The following ATXN10 variants were observed in gnomAD, a reference collection of about 807,000 sequenced individuals.
ATXN10 encodes the protein ataxin-10.
In ATXN10, 28 loss-of-function variants were observed where a neutral mutation model predicts 52.9. That is an observed-to-expected ratio of 0.53 (90% CI 0.39 to 0.73). The LOEUF (loss-of-function observed/expected upper bound fraction) is 0.73. Ranked by LOEUF, ATXN10 falls within the 30% of genes least tolerant of loss-of-function variation. The pLI is 0.00. For synonymous variants in ATXN10, 226 were observed against 221.5 expected (o/e 1.02, Z -0.18); for missense variants, 565 against 577.0 (o/e 0.98, Z 0.21).
At chr22:45,686,615 C>T (rs940675170) in intron 1 of ATXN10, among the ~76,000 whole-genome samples, 11 of 151,946 alleles carry the variant, frequency 7.2e-5, no homozygotes, top group African/African-American at 1.2e-4. Context: ...GTCAGGAGAC[C>T]GAGACCAGCC....
chr22:45,831,220 T>G (rs967350059), intron 10 of ATXN10, among the ~76,000 whole-genome samples: 1 of 152,156 alleles, frequency 6.6e-6, no homozygotes, highest in African/African-American at 2.4e-5. Context: ...AATTACTGTT[T>G]AATGGGGACT....
chr22:45,727,167 C>T lies in ATXN10; in HGVS notation c.729-2258C>T, dbSNP rs530331509. Among the ~76,000 whole-genome samples the T allele has an allele frequency of 3.2e-4, 49 of 152,118 alleles. No homozygotes were observed. Among genetic ancestry groups the T allele is most frequent in the African/African-American group, 1.1e-3 (45 of 41,490 alleles). On this transcript the variant is annotated intron_variant, in intron 6 of 11. Coordinates refer to ENST00000252934, the MANE Select transcript of ATXN10 (RefSeq NM_013236.4). This position sits in a 1 kb window ranked among gnomAD's most constrained non-coding sequence, Gnocchi z 4.6. ...TTATTTTGAATAACTTTTAAATGTCCGTCTTGATTTCATTGTTAACCCCCA... is the reference window on the plus strand; with the variant it reads ...TTATTTTGAATAACTTTTAAATGTCTGTCTTGATTTCATTGTTAACCCCCA...
At chr22:45,747,770 T>C (rs1297808623) in intron 9 of ATXN10, among the ~76,000 whole-genome samples, 2 of 152,134 alleles carry the variant, frequency 1.3e-5, no homozygotes, top group African/African-American at 2.4e-5. Flanking sequence ...TTACACCTCC[T>C]TGTGGGGTTG....
Position 45,677,905 on chromosome 22 carries a change from G to C in ATXN10, c.116+5726G>C, listed in dbSNP as rs1922766918. The C allele has an allele frequency of 6.6e-6, 1 of 152,026 alleles. No homozygotes were observed. The highest frequency in any genetic ancestry group is 6.6e-5 in the Admixed American group (1 of 15,238). The allele number at this position is 152,026 out of a possible 1,614,324, so 9.4% of individuals were successfully genotyped here. On this transcript the variant is annotated intron_variant, in intron 1 of 11. Coordinates refer to ENST00000252934, the MANE Select transcript of ATXN10 (RefSeq NM_013236.4). This position sits in a 1 kb window ranked among gnomAD's most constrained non-coding sequence, Gnocchi z 4.1. Reference sequence around the variant, plus strand: ...TGCTACTATGGAAAATAATTTGGTGGGTCCTCAAAAAGCTAAACATGGAAT... The same window carrying C: ...TGCTACTATGGAAAATAATTTGGTGCGTCCTCAAAAAGCTAAACATGGAAT...
chr22:45,805,852 GTGA>G lies in ATXN10; in HGVS notation c.1174-1101_1174-1099del, dbSNP rs1029595708. Among the ~76,000 whole-genome samples the G allele has an allele frequency of 1.5e-4, 23 of 152,138 alleles. No individual in the cohort carries two copies. Among genetic ancestry groups the G allele is most frequent in the Admixed American group, 5.2e-4 (8 of 15,268 alleles). On this transcript the variant is annotated intron_variant, in intron 9 of 11. Coordinates refer to ENST00000252934, the MANE Select transcript of ATXN10 (RefSeq NM_013236.4). The surrounding 1 kb of genome is among the most constrained non-coding windows in gnomAD (Gnocchi z 4.4). ...TTTAAAAGTGTGAATTTTATAGTTT[GTGA>G]TGATGTCTCAGCAAAAAATGAACTG...
chr22:45,845,273 C>T lies in ATXN10; in HGVS notation c.*1602C>T, dbSNP rs1929473108. The T allele has an allele frequency of 1.3e-5, 2 of 152,114 alleles. No individual in the cohort carries two copies. Among genetic ancestry groups the T allele is most frequent in the Admixed American group, 1.3e-4 (2 of 15,276 alleles). The allele number at this position is 152,114 out of a possible 1,614,324, so 9.4% of individuals were successfully genotyped here. On this transcript the variant is annotated 3_prime_UTR_variant, in exon 12 of 12. Transcript: ENST00000252934. This position sits in a 1 kb window ranked among gnomAD's most constrained non-coding sequence, Gnocchi z 4.7. The stretch of plus-strand genomic sequence containing the variant: ...TCGGTATGAGCTATATAATAACAAA[C>T]ACAAATAAATAAAAGGGAGCCTTGT...
chr22:45,800,498 A>G (rs992291565), intron 9 of ATXN10, among the ~76,000 whole-genome samples: 2 of 132,616 alleles, frequency 1.5e-5, no homozygotes, highest in Non-Finnish European at 3.2e-5. Context: ...GTAGGGGAGA[A>G]TGTAAAATGG....
At chr22:45,831,384 A>T (rs1027147223) in intron 10 of ATXN10, among the ~76,000 whole-genome samples, 16 of 150,306 alleles carry the variant, frequency 1.1e-4, no homozygotes, top group Admixed American at 2.7e-4. Flanking sequence ...AAAAAAAAAA[A>T]TTTTGGAGAA....
At chr22:45,730,320 G>A (rs1925038606) in intron 7 of ATXN10, among the ~76,000 whole-genome samples, 1 of 149,918 alleles carries the variant, frequency 6.7e-6, no homozygotes, top group Admixed American at 6.6e-5. Flanking sequence ...CTCCAGCTCG[G>A]GTGATGCAGT....
In ATXN10 at chr22:45,823,099, C is replaced by T. The variant is rs1258449422; in HGVS notation, c.1237+16077C>T. On this transcript the variant is annotated intron_variant, in intron 10 of 11. Coordinates refer to ENST00000252934, the MANE Select transcript of ATXN10 (RefSeq NM_013236.4). This position sits in a 1 kb window ranked among gnomAD's most constrained non-coding sequence, Gnocchi z 4.9. ...GTAAACTGCAAAATTTTTAAGTATA[C>T]ATCTTGACATAAGTACAGATGTATG... The T allele has an allele frequency of 2.2e-6, 1 of 464,030 alleles. No individual in the cohort carries two copies. The highest frequency in any genetic ancestry group is 4.4e-6 in the Non-Finnish European group (1 of 224,720). 28.7% of individuals were successfully genotyped at this position (464,030 alleles called of 1,614,324 possible).
At chr22:45,721,851 G>A (rs1924664954) in intron 6 of ATXN10, among the ~76,000 whole-genome samples, 1 of 152,108 alleles carries the variant, frequency 6.6e-6, no homozygotes. Context: ...GGAGGTGGAG[G>A]TTGCAGTGAG....
At chr22:45,672,312 T>A (rs1238884451) in intron 1 of ATXN10, 133 bp downstream of exon 1, 8 of 1,023,042 alleles carry the variant, frequency 7.8e-6, no homozygotes, top group African/African-American at 1.7e-5. Context: ...GCGGGCTGCC[T>A]GAGCGCCACC....
intron 9 of ATXN10, among the ~76,000 whole-genome samples, chr22:45,755,298 A>C (rs772657576): frequency 2.0e-5 from 3 of 152,112 alleles, no homozygotes; most frequent in Non-Finnish European, 4.4e-5. Flanking sequence ...TTTAGTTCAG[A>C]TCTATGTCAA....
rs946688114 is a variant in ATXN10 at position 45,671,852 on chromosome 22, C to T, written c.-212C>T. 2 of 436,670 alleles carry T rather than the reference C, an allele frequency of 4.6e-6. No individual in the cohort carries two copies. Among genetic ancestry groups the T allele is most frequent in the Non-Finnish European group, 7.9e-6 (2 of 252,222 alleles). The allele number at this position is 436,670 out of a possible 1,614,324, so 27.0% of individuals were successfully genotyped here. A position where few individuals can be genotyped will look rare whatever the true frequency, so the allele number is the denominator to read the frequency against. On this transcript the variant is annotated 5_prime_UTR_variant, in exon 1 of 12. Coordinates refer to ENST00000252934, the MANE Select transcript of ATXN10 (RefSeq NM_013236.4). Reference sequence around the variant, plus strand: ...CCGCGGCGCCGTCTCCTCCTCCCGCCTGAGGCGAGTCTGGGCTCAGCCTAG... The same window carrying T: ...CCGCGGCGCCGTCTCCTCCTCCCGCTTGAGGCGAGTCTGGGCTCAGCCTAG...
In ATXN10 at chr22:45,816,275, A is replaced by G. The variant is rs2056300128; in HGVS notation, c.1237+9253A>G. 6.6e-6 allele frequency among the ~76,000 whole-genome samples: 1 copy of G among 152,120 alleles called. No individual in the cohort carries two copies. Among genetic ancestry groups the G allele is most frequent in the Non-Finnish European group, 1.5e-5 (1 of 68,022 alleles). ...TCTAAAAAATAAAAATAAATAAATA[A>G]AAATTCACTGCCCTATTTTGATCTT... On this transcript the variant is annotated intron_variant, in intron 10 of 11. Coordinates refer to ENST00000252934, the MANE Select transcript of ATXN10 (RefSeq NM_013236.4). The surrounding 1 kb of genome is among the most constrained non-coding windows in gnomAD (Gnocchi z 5.8).
rs916754857 is a variant in ATXN10, at chr22:45,754,063, T to C, written c.1173+13525T>C. On this transcript the variant is annotated intron_variant, in intron 9 of 11. Coordinates refer to ENST00000252934, the MANE Select transcript of ATXN10 (RefSeq NM_013236.4). The surrounding 1 kb of genome is among the most constrained non-coding windows in gnomAD (Gnocchi z 5.4). ...GGGTTTTATTTCTGGCCTCTGAGAA[T>C]GATGCTCACACTGCCCAGTGGCAGG... 1.3e-5 allele frequency among the ~76,000 whole-genome samples: 2 copies of C among 152,222 alleles called. No individual in the cohort carries two copies. The highest frequency in any genetic ancestry group is 4.8e-5 in the African/African-American group (2 of 41,454).
rs1040629862 is a variant in ATXN10, at chr22:45,702,787, A to G, written c.587A>G (p.Asn196Ser). The change falls in exon 5 of 12, where the codon AAC (asparagine) becomes AGC (serine). Residue 196 changes from asparagine (N) to serine (S), a missense_variant. Physicochemically the swap from Asn to Ser is conservative, Grantham distance 46 (BLOSUM62 1). Transcript: ENST00000252934. Reference sequence around the variant, plus strand: ...GAAAGAATGAAAGAACTGGAGGAGAACCTCAATATTGCAATTGATGTCATA... The same window carrying G: ...GAAAGAATGAAAGAACTGGAGGAGAGCCTCAATATTGCAATTGATGTCATA... ...NHERMKELEE[N>S]LNIAIDVIDA... The G allele has an allele frequency of 1.2e-6, 2 of 1,614,066 alleles. No homozygotes were observed. Among genetic ancestry groups the G allele is most frequent in the Non-Finnish European group, 1.7e-6 (2 of 1,179,992 alleles).
chr22:45,768,848 T>G (rs1926677382), intron 9 of ATXN10, among the ~76,000 whole-genome samples: 1 of 152,246 alleles, frequency 6.6e-6, no homozygotes, highest in South Asian at 2.1e-4. Flanking sequence ...CATGGATATT[T>G]GAACGTGGAC....
chr22:45,706,720 G>T (rs1924056059), intron 5 of ATXN10, among the ~76,000 whole-genome samples: 3 of 3,270 alleles, frequency 9.2e-4, no homozygotes, highest in African/African-American at 2.9e-3. Context: ...ATTCCATGTG[G>T]CCAGAGAACC....
Sources: allele counts gnomAD v4.1 joint callset (sites outside exome capture counted in the v4.1 genomes callset), GRCh38; gene constraint gnomAD v4.1.1; non-coding constraint Gnocchi (gnomAD v3.1); transcripts MANE v1.5; gene names NCBI Gene and HGNC (gene_info 2026-07-23, HGNC 2026-07-21).